Variants in PPP2R1B observed in about 807,000 individuals in gnomAD.
PPP2R1B encodes the protein serine/threonine-protein phosphatase 2A 65 kDa regulatory subunit A beta isoform.
A neutral mutation model predicts 72.7 loss-of-function variants in PPP2R1B; 58 were observed. That is an observed-to-expected ratio of 0.80 (90% CI 0.65 to 0.99). PPP2R1B has a LOEUF of 0.99. Ranked by LOEUF, PPP2R1B falls within the 50% of genes least tolerant of loss-of-function variation. The pLI is 0.00. For missense variants in PPP2R1B, 695 were observed against 733.6 expected (o/e 0.95, Z 0.61); for synonymous variants, 256 against 264.6 (o/e 0.97, Z 0.32).
At chr11:111,752,414 G>A (rs1178145269) in intron 9 of PPP2R1B, 82 bp from the exon 10 acceptor site, 3 of 1,378,224 alleles carry the variant, frequency 2.2e-6, no homozygotes, top group South Asian at 1.7e-5. Flanking sequence ...TAAGATAAAA[G>A]GTGAGGTAAG....
chr11:111,741,529 T>A lies in PPP2R1B; in HGVS notation c.*67A>T. On this transcript the variant is annotated 3_prime_UTR_variant, in exon 15 of 15. Coordinates refer to ENST00000527614, the MANE Select transcript of PPP2R1B (RefSeq NM_002716.5). ...GGTTTTCCATTCTTTCTCCACCCAG[T>A]TAAGAACACATTGACTAGAAATTTG... 1 of 1,599,394 alleles carries A rather than the reference T, an allele frequency of 6.3e-7. No individual in the cohort carries two copies. The highest frequency in any genetic ancestry group is 8.5e-7 in the Non-Finnish European group (1 of 1,175,440).
chr11:111,722,996 CTT>C (rs1943848607), downstream of PPP2R1B, among the ~76,000 whole-genome samples: 1 of 152,208 alleles, frequency 6.6e-6, no homozygotes, highest in African/African-American at 2.4e-5. This position sits in a 1 kb window ranked among gnomAD's most constrained non-coding sequence, Gnocchi z 4.4. Context: ...AGCGTTTCCT[CTT>C]TGGGGTATGA....
chr11:111,734,459 A>T (rs1944283352), downstream of PPP2R1B, among the ~76,000 whole-genome samples: 1 of 152,246 alleles, frequency 6.6e-6, no homozygotes, highest in Admixed American at 6.5e-5. Context: ...CCAGTGTGGA[A>T]AAGACTTGGA....
At chr11:111,743,735 G>A (rs1277378512) in intron 11 of PPP2R1B, among the ~76,000 whole-genome samples, 2 of 152,170 alleles carry the variant, frequency 1.3e-5, no homozygotes, top group Non-Finnish European at 2.9e-5. Context: ...GATGCAAGGA[G>A]CTCACCATAT....
chr11:111,765,272 C>T (rs1392770215), intron 2 of PPP2R1B, 22 bp downstream of exon 2: 3 of 1,587,354 alleles, frequency 1.9e-6, no homozygotes, highest in Non-Finnish European at 2.6e-6. Flanking sequence ...CCCTACCTTT[C>T]TTTAAACAAA....
chr11:111,712,840 G>A, the PPP2R1B span, among the ~76,000 whole-genome samples: 3 of 152,200 alleles, frequency 2.0e-5, no homozygotes, highest in Admixed American at 2.0e-4. Context: ...AGTTATACAT[G>A]TGTTTTTGTC....
chr11:111,722,185 G>C (rs1222211241), downstream of PPP2R1B, among the ~76,000 whole-genome samples: 2 of 152,194 alleles, frequency 1.3e-5, no homozygotes, highest in East Asian at 1.9e-4. This position sits in a 1 kb window ranked among gnomAD's most constrained non-coding sequence, Gnocchi z 4.4. Flanking sequence ...TGAGGGGTGG[G>C]AACGGGAGAC....
In PPP2R1B at chr11:111,754,533, GTCTC is replaced by G. The variant is rs782009984; in HGVS notation, c.991_994del (p.Glu331ProfsTer2). 3.0e-5 allele frequency: 48 copies of G among 1,603,524 alleles called. No homozygotes were observed. Among genetic ancestry groups the G allele is most frequent in the Non-Finnish European group, 3.9e-5 (46 of 1,177,592 alleles). On this transcript the variant is annotated frameshift_variant, in exon 8 of 15. Coordinates refer to ENST00000527614, the MANE Select transcript of PPP2R1B (RefSeq NM_002716.5). LOFTEE classifies it high-confidence loss of function. ...AGGCAGAATTTGATTCATAATTATGGTCTCTCTATCTTCAATGGGCAAGTTCTCA... is the reference window on the plus strand; with the variant it reads ...AGGCAGAATTTGATTCATAATTATGGTCTATCTTCAATGGGCAAGTTCTCA...
At chr11:111,746,744 G>T (rs1229216073) in intron 11 of PPP2R1B, among the ~76,000 whole-genome samples, 1 of 151,888 alleles carries the variant, frequency 6.6e-6, no homozygotes, top group Non-Finnish European at 1.5e-5. Flanking sequence ...TTTAAAAGTG[G>T]TATTTCTTTC....
chr11:111,708,785 G>C, the PPP2R1B span, among the ~76,000 whole-genome samples: 1 of 151,920 alleles, frequency 6.6e-6, no homozygotes, highest in Non-Finnish European at 1.5e-5. Flanking sequence ...ATAGGGTCTT[G>C]CAATGTTGCC....
At chr11:111,724,932 T>C (rs1943922008), downstream of PPP2R1B, 1 of 152,338 alleles carries the variant, frequency 6.6e-6, no homozygotes, top group Admixed American at 6.5e-5. Flanking sequence ...GCACCAGCCC[T>C]GGGCCAGGGA....
At chr11:111,704,761 C>T in the PPP2R1B span, among the ~76,000 whole-genome samples, 5 of 152,192 alleles carry the variant, frequency 3.3e-5, no homozygotes, top group Admixed American at 2.0e-4. Context: ...TGTTAAAGGG[C>T]TGGTAAACCC....
chr11:111,710,760 A>G, the PPP2R1B span, among the ~76,000 whole-genome samples: 1 of 152,244 alleles, frequency 6.6e-6, no homozygotes, highest in South Asian at 2.1e-4. Flanking sequence ...GAGGTTAGGA[A>G]ACCTGATTAA....
intron 3 of PPP2R1B, among the ~76,000 whole-genome samples, chr11:111,763,936 T>C (rs1473302230): frequency 1.3e-5 from 2 of 151,970 alleles, no homozygotes; most frequent in Non-Finnish European, 2.9e-5. Flanking sequence ...AAGTCAGAAC[T>C]AGAGACAGAA....
At chr11:111,704,925 T>C in the PPP2R1B span, 906 of 1,491,000 alleles carry the variant, frequency 6.1e-4, 19 homozygotes, top group East Asian at 0.021. Context: ...TTTTTAGGCA[T>C]GTGTAGATCA....
chr11:111,721,606 T>C, the PPP2R1B span, among the ~76,000 whole-genome samples: 1 of 152,206 alleles, frequency 6.6e-6, no homozygotes, highest in Non-Finnish European at 1.5e-5. Context: ...CAAGAGTCTT[T>C]GCTCTAGTAC....
At chr11:111,716,554 G>A in the PPP2R1B span, among the ~76,000 whole-genome samples, 1 of 152,072 alleles carries the variant, frequency 6.6e-6, no homozygotes, top group Admixed American at 6.6e-5. Flanking sequence ...TCCAGCCTGG[G>A]CGACAGAGTG....
chr11:111,690,324 T>C, the PPP2R1B span, among the ~76,000 whole-genome samples: 1 of 150,934 alleles, frequency 6.6e-6, no homozygotes, highest in African/African-American at 2.4e-5. Flanking sequence ...GGGGGAAAAC[T>C]CCTGCTACAC....
chr11:111,711,163 G>C, the PPP2R1B span, among the ~76,000 whole-genome samples: 1 of 150,824 alleles, frequency 6.6e-6, no homozygotes, highest in African/African-American at 2.4e-5. Flanking sequence ...CTGTTGCCCA[G>C]GCTGGAGTGC....
Sources: allele counts gnomAD v4.1 joint callset (sites outside exome capture counted in the v4.1 genomes callset), GRCh38; gene constraint gnomAD v4.1.1; non-coding constraint Gnocchi (gnomAD v3.1); transcripts MANE v1.5; gene names NCBI Gene and HGNC (gene_info 2026-07-23, HGNC 2026-07-21).